CNNM2: variants seen among roughly 807,000 people sequenced by gnomAD.
CNNM2 encodes the protein metal transporter CNNM2.
CNNM2 carries 12 observed loss-of-function variants against 66.9 expected under a neutral mutation model. That is an observed-to-expected ratio of 0.18 (90% CI 0.11 to 0.29). The LOEUF is 0.29. Ranked by LOEUF, CNNM2 falls within the 10% of genes least tolerant of loss-of-function variation. The probability of loss-of-function intolerance (pLI) is 1.00; values close to 1 mark genes in which losing one functional copy is unlikely to be tolerated. For synonymous variants in CNNM2, 557 were observed against 501.8 expected, an observed-to-expected ratio of 1.11 and a Z score of -1.47; for missense variants, 705 against 1,167.7, an observed-to-expected ratio of 0.60 and a Z score of 5.77.
chr10:103,066,619 G>A (rs539648056), intron 4 of CNNM2, among the ~76,000 whole-genome samples: 1 of 152,368 alleles, frequency 6.6e-6, no homozygotes, highest in African/African-American at 2.4e-5. Flanking sequence ...CCTCCCTCAT[G>A]CTGTCCCTTT....
chr10:103,062,552 TTAGAACTCTTATATATA>T (rs1477357056), intron 4 of CNNM2, among the ~76,000 whole-genome samples: 3 of 152,244 alleles, frequency 2.0e-5, no homozygotes, highest in East Asian at 1.9e-4. Context: ...ATTCCTTTGC[TTAGAACTCTTATATATA>T]ACTATAAACC....
At chr10:102,920,182 CA>C (rs1294374767) in intron 1 of CNNM2, 81 bp downstream of exon 1, 90 of 1,611,916 alleles carry the variant, frequency 5.6e-5, no homozygotes, top group Non-Finnish European at 7.3e-5. Context: ...ACCCTCAGAC[CA>C]ACCCCCCAAG....
chr10:103,077,024 C>G lies in CNNM2; in HGVS notation c.2472C>G (p.Thr824=). 6.2e-7 allele frequency: 1 copy of G among 1,613,916 alleles called. No individual in the cohort carries two copies. The highest frequency in any genetic ancestry group is 8.5e-7 in the Non-Finnish European group (1 of 1,179,906). Residue 824 remains threonine, a synonymous_variant, in exon 8 of 8, where the codon ACC becomes ACG. Transcript: ENST00000369878. ...NALMASRMDK[T]PQSSDSENTK... ...TGATGGCATCCCGGATGGACAAAAC[C>G]CCCCAGTCTTCAGACAGTGAAAACA...
At chr10:102,974,385 A>G (rs963604181) in intron 1 of CNNM2, among the ~76,000 whole-genome samples, 3 of 152,226 alleles carry the variant, frequency 2.0e-5, no homozygotes, top group African/African-American at 4.8e-5. Flanking sequence ...TATTTTGACC[A>G]TAAAGCTAGT....
chr10:102,920,074 G>A lies in CNNM2; in HGVS notation c.1594G>A (p.Asp532Asn), dbSNP rs1490979298. The A allele has an allele frequency of 1.2e-6, 2 of 1,614,180 alleles. No individual in the cohort carries two copies. The highest frequency in any genetic ancestry group is 1.7e-6 in the Non-Finnish European group (2 of 1,180,040). ...CTTTGTTTTCAATGACACCAAGTTG[G>A]ACGCTATGCTGGAAGAATTTAAGAA... Reference protein sequence around the residue: ...LHFVFNDTKLDAMLEEFKKGK... With the variant: ...LHFVFNDTKLNAMLEEFKKGK... Residue 532 changes from aspartate (D) to asparagine (N), a missense_variant, in exon 1 of 8, where the codon GAC becomes AAC. Asp to Asn is a conservative substitution (Grantham distance 23). Transcript: ENST00000369878.
rs2065361776 is a variant in CNNM2 at position 103,060,272 on chromosome 10, C to T, written c.2073+3308C>T. ...GAAATAAAATTCGAAATAAAAAATACATAAAAGTGCTGGGCATGGTGGCTC... is the reference window on the plus strand; with the variant it reads ...GAAATAAAATTCGAAATAAAAAATATATAAAAGTGCTGGGCATGGTGGCTC... On this transcript the variant is annotated intron_variant, in intron 4 of 7. Transcript: ENST00000369878. Among the ~76,000 whole-genome samples, 4 of 152,200 alleles carry T rather than the reference C, an allele frequency of 2.6e-5. No individual in the cohort carries two copies. The South Asian group carries it at 8.3e-4, about 32-fold the overall frequency.
rs35848004 is a variant in CNNM2, at chr10:103,022,910, A to AT, written c.1622-26788dup. ...AAGGAGGAGAAGGTTCAGACTCTTT[A>AT]TTTTTTTTTGAGACAGGGTCTTACT... On this transcript the variant is annotated intron_variant, in intron 1 of 7. Coordinates refer to ENST00000369878, the MANE Select transcript of CNNM2 (RefSeq NM_017649.5). Among the ~76,000 whole-genome samples, 20,253 of 150,284 alleles carry AT rather than the reference A, an allele frequency of 0.13. 1,378 individuals carry two copies. Among genetic ancestry groups the AT allele is most frequent in the Middle Eastern group, 0.23 (66 of 290 alleles).
chr10:102,966,302 T>A (rs1469077031), intron 1 of CNNM2, among the ~76,000 whole-genome samples: 1 of 152,126 alleles, frequency 6.6e-6, no homozygotes, highest in Non-Finnish European at 1.5e-5. Flanking sequence ...ATTTTAAAAG[T>A]TTAGATTTTT....
At position 103,028,754 on chromosome 10, in the gene CNNM2, C is replaced by A. The variant is rs2064756832; in HGVS notation, c.1622-20953C>A. On this transcript the variant is annotated intron_variant, in intron 1 of 7. Coordinates refer to ENST00000369878, the MANE Select transcript of CNNM2 (RefSeq NM_017649.5). ...ATGACAAGATCTTGCAGAGATAATA[C>A]CATTTCCGCCATAATCTTCATCCCC... Among the ~76,000 whole-genome samples, 3 of 151,902 alleles carry A rather than the reference C, an allele frequency of 2.0e-5. No individual in the cohort carries two copies. In the South Asian group the frequency reaches 6.2e-4, roughly 32 times the overall value.
In CNNM2 at chr10:103,086,859, A is replaced by G. The variant is rs2065820163; in HGVS notation, c.*9679A>G. On this transcript the variant is annotated 3_prime_UTR_variant, in exon 8 of 8. Coordinates refer to ENST00000369878, the MANE Select transcript of CNNM2 (RefSeq NM_017649.5). ...CAACTTTTCTGAAGTACACCATCAG[A>G]GTTTTCACTGACTATCTATCTTTGC... 6.6e-6 allele frequency: 1 copy of G among 152,200 alleles called. No homozygotes were observed. The highest frequency in any genetic ancestry group is 1.5e-5 in the Non-Finnish European group (1 of 68,038). The allele number at this position is 152,200 out of a possible 1,614,324, so 9.4% of individuals were successfully genotyped here. A position where few individuals can be genotyped will look rare whatever the true frequency, so the allele number is the denominator to read the frequency against.
intron 6 of CNNM2, among the ~76,000 whole-genome samples, chr10:103,074,603 C>T (rs1329440163): frequency 2.0e-5 from 3 of 152,064 alleles, no homozygotes; most frequent in Non-Finnish European, 4.4e-5. Context: ...GAGGCTGAGG[C>T]GACAAGATCA....
At chr10:102,966,600 C>T (rs1212226134) in intron 1 of CNNM2, among the ~76,000 whole-genome samples, 1 of 152,204 alleles carries the variant, frequency 6.6e-6, no homozygotes, top group Admixed American at 6.5e-5. Context: ...GCACTCCAGC[C>T]TGGGCAACAG....
At chr10:103,053,497 T>C (rs936958062) in intron 2 of CNNM2, among the ~76,000 whole-genome samples, 6 of 152,104 alleles carry the variant, frequency 3.9e-5, no homozygotes, top group Admixed American at 3.9e-4. Flanking sequence ...GCCTGGGCAA[T>C]AGAGCAAGAG....
chr10:103,058,122 G>A (rs911837453), intron 4 of CNNM2, among the ~76,000 whole-genome samples: 3 of 152,210 alleles, frequency 2.0e-5, no homozygotes, highest in Non-Finnish European at 4.4e-5. Flanking sequence ...AGGGTTAGCT[G>A]ATTACATGTC....
At chr10:103,021,563 G>A (rs982638995) in intron 1 of CNNM2, among the ~76,000 whole-genome samples, 1 of 152,136 alleles carries the variant, frequency 6.6e-6, no homozygotes, top group Admixed American at 6.5e-5. Flanking sequence ...GAGTTCTGGC[G>A]CTTTCGCTCG....
At chr10:102,933,423 G>A (rs1194406987) in intron 1 of CNNM2, among the ~76,000 whole-genome samples, 2 of 152,104 alleles carry the variant, frequency 1.3e-5, no homozygotes, top group East Asian at 3.9e-4. Flanking sequence ...TCTTCAGATT[G>A]TTCATTGCTT....
chr10:102,948,230 C>T (rs772232117), intron 1 of CNNM2, among the ~76,000 whole-genome samples: 1 of 152,102 alleles, frequency 6.6e-6, no homozygotes, highest in African/African-American at 2.4e-5. Flanking sequence ...GGGAGATAGA[C>T]ATGAAGCAAA....
chr10:103,028,814 C>CTTTTTTTTTTTTTTTTTTT (rs67846722), intron 1 of CNNM2, among the ~76,000 whole-genome samples: 5 of 126,180 alleles, frequency 4.0e-5, no homozygotes, highest in Non-Finnish European at 3.2e-5. Flanking sequence ...TTTTCTTTTT[C>CTTTTTTTTTTTTTTTTTTT]TTTTTTTTTT....
intron 1 of CNNM2, among the ~76,000 whole-genome samples, chr10:102,938,714 T>G (rs1360351029): frequency 6.6e-6 from 1 of 151,924 alleles, no homozygotes; most frequent in Non-Finnish European, 1.5e-5. Flanking sequence ...AATCGATGTT[T>G]CCTTTACTTA....
Sources: allele counts gnomAD v4.1 joint callset (sites outside exome capture counted in the v4.1 genomes callset), GRCh38; gene constraint gnomAD v4.1.1; transcripts MANE v1.5; gene names NCBI Gene and HGNC (gene_info 2026-07-23, HGNC 2026-07-21).